TBL1XR1: variants seen among roughly 807,000 people sequenced by gnomAD.
TBL1XR1 encodes F-box-like/WD repeat-containing protein TBL1XR1.
A neutral mutation model predicts 66.9 loss-of-function variants in TBL1XR1; 5 were observed. The observed-to-expected ratio is 0.07, with a 90% CI of 0.04 to 0.16. TBL1XR1 has a LOEUF of 0.16. Ranked by LOEUF, TBL1XR1 falls within the 10% of genes least tolerant of loss-of-function variation. The pLI is 1.00. For synonymous variants in TBL1XR1, 210 were observed against 206.0 expected (o/e 1.02, Z -0.17); for missense variants, 238 against 623.2 (o/e 0.38, Z 6.58).
chr3:177,196,735 T>TA (rs1553765729), intron 1 of TBL1XR1, among the ~76,000 whole-genome samples: 5 of 95,420 alleles, frequency 5.2e-5, no homozygotes, highest in African/African-American at 1.8e-4. Flanking sequence ...CCTGAAAGCC[T>TA]CCCCCCCCAA....
chr3:177,070,337 A>G (rs1488834997), intron 2 of TBL1XR1, among the ~76,000 whole-genome samples: 1 of 152,244 alleles, frequency 6.6e-6, no homozygotes, highest in African/African-American at 2.4e-5. Context: ...ATAAAAATAC[A>G]TATCCTAGGA....
intron 10 of TBL1XR1, among the ~76,000 whole-genome samples, chr3:177,040,559 G>C (rs981693851): frequency 6.6e-6 from 1 of 151,928 alleles, no homozygotes; most frequent in Non-Finnish European, 1.5e-5. Context: ...ATGGATAGGA[G>C]AAGTAAAAAG....
intron 1 of TBL1XR1, among the ~76,000 whole-genome samples, chr3:177,190,951 T>C (rs1012219591): frequency 1.3e-5 from 2 of 152,106 alleles, no homozygotes; most frequent in African/African-American, 2.4e-5. Flanking sequence ...TTAAGTGCAA[T>C]GGAATCTCAG....
intron 10 of TBL1XR1, among the ~76,000 whole-genome samples, chr3:177,043,214 C>T (rs6795240): frequency 0.11 from 16,388 of 152,112 alleles, 991 homozygotes; most frequent in African/African-American, 0.12. Flanking sequence ...CCTTACTTCC[C>T]TCTTCCCATC....
At chr3:177,132,528 A>G (rs1263793628) in intron 1 of TBL1XR1, among the ~76,000 whole-genome samples, 2 of 152,182 alleles carry the variant, frequency 1.3e-5, no homozygotes, top group Non-Finnish European at 2.9e-5. Flanking sequence ...TCCAACTGCC[A>G]CTGTTAACAG....
At chr3:177,051,841 G>A in intron 4 of TBL1XR1, 115 bp from the exon 5 acceptor site, 1 of 1,297,394 alleles carries the variant, frequency 7.7e-7, no homozygotes, top group Non-Finnish European at 1.0e-6. Flanking sequence ...AACATTTTTA[G>A]GAACTTTCTG....
intron 1 of TBL1XR1, among the ~76,000 whole-genome samples, chr3:177,175,211 T>C (rs1329283559): frequency 6.6e-6 from 1 of 152,188 alleles, no homozygotes; most frequent in Non-Finnish European, 1.5e-5. Context: ...CAAACACAGT[T>C]TTAGTACACA....
intron 1 of TBL1XR1, among the ~76,000 whole-genome samples, chr3:177,114,301 TATATG>T (rs1371710717): frequency 6.6e-6 from 1 of 151,236 alleles, no homozygotes; most frequent in African/African-American, 2.4e-5. Flanking sequence ...TGGATACATA[TATATG>T]ATATATGATA....
chr3:177,174,838 T>C (rs1733973118), intron 1 of TBL1XR1, among the ~76,000 whole-genome samples: 1 of 152,150 alleles, frequency 6.6e-6, no homozygotes, highest in African/African-American at 2.4e-5. Context: ...GGTTGAAACA[T>C]AATCCTGCCG....
At chr3:177,149,015 AAAG>A (rs375653138) in intron 1 of TBL1XR1, among the ~76,000 whole-genome samples, 54,324 of 149,792 alleles carry the variant, frequency 0.36, 10,145 homozygotes, top group Middle Eastern at 0.45. Flanking sequence ...AAAAAAAAGA[AAAG>A]AAAAGAAAAG....
At chr3:177,120,833 G>A (rs1230223832) in intron 1 of TBL1XR1, 1 of 152,318 alleles carries the variant, frequency 6.6e-6, no homozygotes, top group East Asian at 1.9e-4. Context: ...CTATCACATA[G>A]TGTAGCATCT....
intron 1 of TBL1XR1, among the ~76,000 whole-genome samples, chr3:177,183,933 G>A (rs1171317619): frequency 6.6e-6 from 1 of 151,926 alleles, no homozygotes; most frequent in Non-Finnish European, 1.5e-5. Flanking sequence ...AACATACTGA[G>A]AGTTCACTGC....
chr3:177,135,346 T>TCC (rs1728842185), intron 1 of TBL1XR1, among the ~76,000 whole-genome samples: 1 of 16,684 alleles, frequency 6.0e-5, no homozygotes, highest in Non-Finnish European at 1.0e-4. Flanking sequence ...TACATATATA[T>TCC]ATATATATAT....
At chr3:177,178,196 C>A (rs756245696) in intron 1 of TBL1XR1, among the ~76,000 whole-genome samples, 1 of 152,066 alleles carries the variant, frequency 6.6e-6, no homozygotes, top group African/African-American at 2.4e-5. Context: ...GGGGCCAGAT[C>A]GCACAGCAGA....
At chr3:177,030,943 C>T (rs1321345705) in intron 14 of TBL1XR1, among the ~76,000 whole-genome samples, 3 of 152,062 alleles carry the variant, frequency 2.0e-5, no homozygotes, top group Admixed American at 6.6e-5. Flanking sequence ...GAAACTCCAT[C>T]TCTACTAAAA....
intron 2 of TBL1XR1, among the ~76,000 whole-genome samples, chr3:177,088,224 A>T (rs981426859): frequency 2.0e-5 from 3 of 152,220 alleles, no homozygotes; most frequent in African/African-American, 7.2e-5. Flanking sequence ...CAAAATCCAG[A>T]ATGTTCCAAA....
chr3:177,046,120 G>T lies in TBL1XR1; in HGVS notation c.925+9C>A. 1 of 1,528,832 alleles carries T rather than the reference G, an allele frequency of 6.5e-7. No homozygotes were observed. Among genetic ancestry groups the T allele is most frequent in the South Asian group, 1.3e-5 (1 of 78,330 alleles). The allele number at this position is 1,528,832 out of a possible 1,614,324, so 94.7% of individuals were successfully genotyped here. A position where few individuals can be genotyped will look rare whatever the true frequency, so the allele number is the denominator to read the frequency against. Reference sequence around the variant, plus strand: ...GCTCCAGCTTTCACGTAAATTATAAGAAATTTACCTGAATGAAAAGGAAAC... The same window carrying T: ...GCTCCAGCTTTCACGTAAATTATAATAAATTTACCTGAATGAAAAGGAAAC... On this transcript the variant is annotated intron_variant, in intron 10 of 15. Transcript: ENST00000457928.
chr3:177,053,806 T>C lies in TBL1XR1; in HGVS notation c.171A>G (p.Leu57=), dbSNP rs144606780. 5.7e-5 allele frequency: 92 copies of C among 1,613,212 alleles called. No homozygotes were observed. The highest frequency in any genetic ancestry group is 7.4e-5 in the Non-Finnish European group (87 of 1,179,828). The change falls in exon 4 of 16, where the codon CTA becomes CTG. Residue 57 remains leucine (L), a synonymous_variant. Coordinates refer to ENST00000457928, the MANE Select transcript of TBL1XR1 (RefSeq NM_024665.7). ...AALISIIQKG[L]QYVEAEVSIN... ...TACTAACTTCTGCTTCTACATACTGTAGACCTTTCTGGATGATAGAAATCA... is the reference window on the plus strand; with the variant it reads ...TACTAACTTCTGCTTCTACATACTGCAGACCTTTCTGGATGATAGAAATCA...
At chr3:177,044,751 C>G (rs1295043465) in intron 10 of TBL1XR1, 4 of 152,110 alleles carry the variant, frequency 2.6e-5, no homozygotes, top group African/African-American at 9.7e-5. Flanking sequence ...CGTAAAAATA[C>G]TTTGATACTA....
Sources: allele counts gnomAD v4.1 joint callset (sites outside exome capture counted in the v4.1 genomes callset), GRCh38; gene constraint gnomAD v4.1.1; transcripts MANE v1.5; gene names NCBI Gene and HGNC (gene_info 2026-07-23, HGNC 2026-07-21).